ARID3B: variants seen among roughly 807,000 people sequenced by gnomAD.
The protein encoded by ARID3B is AT-rich interaction domain 3B.
In ARID3B, 10 loss-of-function variants were observed where a neutral mutation model predicts 51.9. That is an observed-to-expected ratio of 0.19 (90% CI 0.12 to 0.33). The LOEUF (loss-of-function observed/expected upper bound fraction) is 0.33. Ranked by LOEUF, ARID3B falls within the 10% of genes least tolerant of loss-of-function variation. The pLI, the probability that ARID3B is intolerant of heterozygous loss-of-function variation, is 1.00. For missense variants in ARID3B, 483 were observed against 716.3 expected, an observed-to-expected ratio of 0.67 and a Z score of 3.72; for synonymous variants, 205 against 279.5, an observed-to-expected ratio of 0.73 and a Z score of 2.66.
chr15:74,594,343 G>T (rs191837480), intron 8 of ARID3B, among the ~76,000 whole-genome samples: 118 of 152,324 alleles, frequency 7.7e-4, no homozygotes, highest in Non-Finnish European at 7.4e-5. Flanking sequence ...AGCTACTCGG[G>T]AGGCTGAGGC....
chr15:74,541,712 G>A (rs2061596087), intron 1 of ARID3B, among the ~76,000 whole-genome samples: 1 of 152,046 alleles, frequency 6.6e-6, no homozygotes, highest in Admixed American at 6.5e-5. Context: ...GGGGTGACCG[G>A]GAAGGTGGGC....
chr15:74,551,482 C>T (rs1283105200), intron 2 of ARID3B, among the ~76,000 whole-genome samples: 1 of 152,172 alleles, frequency 6.6e-6, no homozygotes, highest in Non-Finnish European at 1.5e-5. Context: ...ACCCTCTCAC[C>T]AGAGGCTAAT....
chr15:74,558,363 C>G (rs2061667270), intron 2 of ARID3B, among the ~76,000 whole-genome samples: 1 of 151,950 alleles, frequency 6.6e-6, no homozygotes, highest in Non-Finnish European at 1.5e-5. Flanking sequence ...GTCTTCAGCT[C>G]TATCTGTTCT....
intron 2 of ARID3B, among the ~76,000 whole-genome samples, chr15:74,569,880 A>G (rs2061712925): frequency 6.6e-6 from 1 of 152,226 alleles, no homozygotes; most frequent in African/African-American, 2.4e-5. Flanking sequence ...CACGTTGGAC[A>G]TTTTTACATC....
At position 74,572,896 on chromosome 15, in the gene ARID3B, G is replaced by C. The variant is rs1176465233; in HGVS notation, c.587G>C (p.Gly196Ala). ...TTGGCCTGGAGTGATGATGCAGATG[G>C]AGGCCGGGGAAGAGAGATCTCTCGA... ...GGLAWSDDADGGRGREISRDF... is the reference protein window; with the variant it reads ...GGLAWSDDADAGRGREISRDF... Residue 196 changes from glycine (G) to alanine (A), a missense_variant, in exon 3 of 9, where the codon GGA becomes GCA. By Grantham distance (60) the Gly-to-Ala change is moderately conservative. Around this residue, in one of 3 missense-constraint regions of ARID3B, gnomAD observed 182 missense variants for 244.5 expected, o/e 0.74. Transcript: ENST00000346246. 6.2e-7 allele frequency: 1 copy of C among 1,614,206 alleles called. No homozygotes were observed. The highest frequency in any genetic ancestry group is 1.1e-5 in the South Asian group (1 of 91,086).
rs559543990 is a variant in ARID3B, at chr15:74,556,342, A to T, written c.552+11854A>T. On this transcript the variant is annotated intron_variant, in intron 2 of 8. Transcript: ENST00000346246. Reference sequence around the variant, plus strand: ...ATACAACATTTATCAGTGAAGTTTGATATCTTATATGGGTGTGATTCTAGG... The same window carrying T: ...ATACAACATTTATCAGTGAAGTTTGTTATCTTATATGGGTGTGATTCTAGG... Among the ~76,000 whole-genome samples, 7 of 152,316 alleles carry T rather than the reference A, an allele frequency of 4.6e-5. No individual in the cohort carries two copies. In the South Asian group the frequency reaches 1.0e-3, roughly 23 times the overall value.
intron 2 of ARID3B, among the ~76,000 whole-genome samples, chr15:74,567,938 A>G (rs1467132278): frequency 6.6e-6 from 1 of 152,122 alleles, no homozygotes; most frequent in Non-Finnish European, 1.5e-5. Context: ...ACCTTGATTC[A>G]TTATTTTTGA....
chr15:74,555,814 C>T (rs1326727220), intron 2 of ARID3B, among the ~76,000 whole-genome samples: 1 of 103,222 alleles, frequency 9.7e-6, no homozygotes, highest in Admixed American at 1.4e-4. Context: ...TTTTTTGAGA[C>T]GGAATCTCAC....
chr15:74,547,355 G>C (rs2061619847), intron 2 of ARID3B, among the ~76,000 whole-genome samples: 1 of 151,790 alleles, frequency 6.6e-6, no homozygotes, highest in Admixed American at 6.6e-5. Flanking sequence ...TTATTTTTTT[G>C]TATTTTTAGT....
chr15:74,550,607 T>C (rs528356689), intron 2 of ARID3B, among the ~76,000 whole-genome samples: 8 of 151,260 alleles, frequency 5.3e-5, no homozygotes, highest in African/African-American at 1.9e-4. Context: ...CTCCGGAGGC[T>C]GAGGCAGGAG....
chr15:74,587,819 C>T (rs1222937219), intron 4 of ARID3B, among the ~76,000 whole-genome samples: 2 of 152,240 alleles, frequency 1.3e-5, no homozygotes, highest in African/African-American at 2.4e-5. Flanking sequence ...GGAGTATGCC[C>T]GTAATCCTCT....
At chr15:74,586,913 A>G (rs1474692197) in intron 4 of ARID3B, among the ~76,000 whole-genome samples, 1 of 152,222 alleles carries the variant, frequency 6.6e-6, no homozygotes, top group Non-Finnish European at 1.5e-5. Flanking sequence ...GGTAGTGAGA[A>G]CATGCTTCCT....
At chr15:74,548,957 C>G (rs550974082) in intron 2 of ARID3B, among the ~76,000 whole-genome samples, 1 of 152,292 alleles carries the variant, frequency 6.6e-6, no homozygotes, top group South Asian at 2.1e-4. Flanking sequence ...CGACTTCCTG[C>G]TGGGCAATTA....
At chr15:74,563,445 T>G (rs1457631305) in intron 2 of ARID3B, among the ~76,000 whole-genome samples, 1 of 152,216 alleles carries the variant, frequency 6.6e-6, no homozygotes, top group African/African-American at 2.4e-5. Context: ...ATGATAGTAA[T>G]TTTTAAAAAT....
chr15:74,556,632 G>A (rs557109900), intron 2 of ARID3B, among the ~76,000 whole-genome samples: 55 of 152,156 alleles, frequency 3.6e-4, no homozygotes, highest in Non-Finnish European at 6.2e-4. Flanking sequence ...GTTTTAACCC[G>A]TCCCCAAATT....
At chr15:74,572,231 G>A (rs2061721573) in intron 2 of ARID3B, among the ~76,000 whole-genome samples, 1 of 152,188 alleles carries the variant, frequency 6.6e-6, no homozygotes, top group Admixed American at 6.5e-5. Context: ...ATTAAGTTGG[G>A]CTTAGATTTT....
rs1339185504 is a variant in ARID3B, at chr15:74,591,166, G to A, written c.897G>A (p.Leu299=). The stretch of plus-strand genomic sequence containing the variant: ...TTTCCTCCAGGTACATGAAGTATCT[G>A]TATGCCTATGAGTGTGAGAAGAAAG... ...FTLRTQYMKY[L]YAYECEKKAL... Residue 299 remains leucine (L), a synonymous_variant, in exon 6 of 9, where the codon CTG becomes CTA. Coordinates refer to ENST00000346246, the MANE Select transcript of ARID3B (RefSeq NM_006465.4). The surrounding 1 kb of genome is among the most constrained non-coding windows in gnomAD (Gnocchi z 5.8). 1 of 1,604,800 alleles carries A rather than the reference G, an allele frequency of 6.2e-7. No individual in the cohort carries two copies. Among genetic ancestry groups the A allele is most frequent in the East Asian group, 2.2e-5 (1 of 44,614 alleles).
At chr15:74,573,329 C>T (rs2061725978) in intron 4 of ARID3B, 125 bp downstream of exon 4, 1 of 1,057,254 alleles carries the variant, frequency 9.5e-7, no homozygotes. Context: ...GCATTTACTG[C>T]CAGTTGGTTC....
chr15:74,569,772 C>T (rs955758693), intron 2 of ARID3B, among the ~76,000 whole-genome samples: 4 of 152,128 alleles, frequency 2.6e-5, no homozygotes, highest in Non-Finnish European at 5.9e-5. Flanking sequence ...TGCTAGACTG[C>T]GAAAGGCAGG....
Sources: allele counts gnomAD v4.1 joint callset (sites outside exome capture counted in the v4.1 genomes callset), GRCh38; gene constraint gnomAD v4.1.1; regional missense constraint gnomAD v4.1.1; non-coding constraint Gnocchi (gnomAD v3.1); transcripts MANE v1.5; gene names NCBI Gene and HGNC (gene_info 2026-07-23, HGNC 2026-07-21).